CLYBL: variants seen among roughly 807,000 people sequenced by gnomAD.
The protein encoded by CLYBL is citramalyl-CoA lyase.
A neutral mutation model predicts 38.9 loss-of-function variants in CLYBL; 31 were observed. That is an observed-to-expected ratio of 0.80 (90% confidence interval 0.60 to 1.08). CLYBL has a LOEUF of 1.08. Among genes scored for constraint, CLYBL ranks in the 50% least tolerant of loss-of-function variants. CLYBL has a pLI of 0.00. For missense variants in CLYBL, 434 were observed against 411.6 expected (o/e 1.05, Z -0.47); for synonymous variants, 171 against 158.6 (o/e 1.08, Z -0.59).
At chr13:99,833,020 ATATATATATATTTTTTT>A in intron 2 of CLYBL, among the ~76,000 whole-genome samples, 2 of 35,116 alleles carry the variant, frequency 5.7e-5, no homozygotes, top group African/African-American at 1.1e-4. Flanking sequence ...ATATATATAT[ATATATATATATTTTTTT>A]TTTTTTTTTT....
intron 1 of CLYBL, among the ~76,000 whole-genome samples, chr13:99,722,218 C>A (rs1343517516): frequency 2.0e-5 from 3 of 152,160 alleles, no homozygotes; most frequent in Non-Finnish European, 4.4e-5. Context: ...GTTTCCCCCT[C>A]ATCTTGCACA....
chr13:99,816,846 G>C (rs1022949503), intron 2 of CLYBL, among the ~76,000 whole-genome samples: 3 of 152,312 alleles, frequency 2.0e-5, no homozygotes. Flanking sequence ...CATGGACTAA[G>C]GCTCCCAAGA....
rs61453256 is a variant in CLYBL at position 99,703,617 on chromosome 13, C to T, written c.63-69207C>T. 5.4e-3 allele frequency among the ~76,000 whole-genome samples: 817 copies of T among 152,302 alleles called. 5 individuals carry two copies. Among genetic ancestry groups the T allele is most frequent in the African/African-American group, 0.019 (772 of 41,556 alleles). On this transcript the variant is annotated intron_variant, in intron 1 of 8. Transcript: ENST00000339105. The stretch of plus-strand genomic sequence containing the variant: ...TCTCCTGACCTCGTGATCCGCCCAC[C>T]TTGGCCTCCCATAGCACTGGGATTA...
chr13:99,674,229 G>A (rs941252923), intron 1 of CLYBL, among the ~76,000 whole-genome samples: 2 of 124,922 alleles, frequency 1.6e-5, no homozygotes, highest in East Asian at 2.7e-4. Flanking sequence ...TTGGCTCACC[G>A]CAACCTCCGC....
chr13:99,621,692 A>T (rs2046799542), intron 1 of CLYBL, among the ~76,000 whole-genome samples: 1 of 152,146 alleles, frequency 6.6e-6, no homozygotes, highest in Non-Finnish European at 1.5e-5. Flanking sequence ...GTGACCTGGG[A>T]TGACTTTGAA....
At chr13:99,685,729 A>C (rs542790461) in intron 1 of CLYBL, among the ~76,000 whole-genome samples, 1 of 152,264 alleles carries the variant, frequency 6.6e-6, no homozygotes, top group East Asian at 1.9e-4. Flanking sequence ...TGGGAGGCCA[A>C]GGTGGGTGGA....
At chr13:99,882,804 T>C (rs2052244758) in intron 7 of CLYBL, among the ~76,000 whole-genome samples, 1 of 152,194 alleles carries the variant, frequency 6.6e-6, no homozygotes, top group African/African-American at 2.4e-5. Context: ...ACTGAGGGTA[T>C]AGTTAACTAG....
At chr13:99,900,606 G>A (rs1455419462), downstream of CLYBL, among the ~76,000 whole-genome samples, 2 of 151,908 alleles carry the variant, frequency 1.3e-5, no homozygotes, top group African/African-American at 2.4e-5. Context: ...ACCTGCTAGG[G>A]GACTTGCTCA....
chr13:99,623,044 C>T (rs1260769076), intron 1 of CLYBL, among the ~76,000 whole-genome samples: 2 of 152,158 alleles, frequency 1.3e-5, no homozygotes, highest in East Asian at 1.9e-4. Context: ...GGGCTGTTTC[C>T]ACTTTTTGGT....
intron 2 of CLYBL, among the ~76,000 whole-genome samples, chr13:99,841,369 T>C (rs1461000176): frequency 6.6e-6 from 1 of 150,994 alleles, no homozygotes; most frequent in Admixed American, 6.6e-5. Flanking sequence ...GAAAGACAGA[T>C]TAACAGGAGA....
At chr13:99,792,676 G>A (rs540818766) in intron 2 of CLYBL, among the ~76,000 whole-genome samples, 3 of 151,768 alleles carry the variant, frequency 2.0e-5, no homozygotes, top group African/African-American at 7.3e-5. Context: ...TTGTGGAGGC[G>A]AGAACAACTG....
chr13:99,688,787 C>T (rs943783687), intron 1 of CLYBL, among the ~76,000 whole-genome samples: 7 of 152,224 alleles, frequency 4.6e-5, no homozygotes, highest in South Asian at 2.1e-4. Context: ...AAAGATAGAG[C>T]GTCCAAAAGG....
At chr13:99,872,394 A>G (rs1439342829) in intron 7 of CLYBL, among the ~76,000 whole-genome samples, 3 of 152,164 alleles carry the variant, frequency 2.0e-5, no homozygotes, top group Admixed American at 6.5e-5. Flanking sequence ...TTTAGTGTCC[A>G]TTTTTGTGTC....
At chr13:99,847,678 AC>A (rs1358439089) in intron 2 of CLYBL, among the ~76,000 whole-genome samples, 2 of 152,156 alleles carry the variant, frequency 1.3e-5, no homozygotes, top group Non-Finnish European at 1.5e-5. Flanking sequence ...ACGTACAGAT[AC>A]CCATTCCAAA....
At chr13:99,851,195 C>T (rs1798491971) in intron 2 of CLYBL, among the ~76,000 whole-genome samples, 1 of 151,830 alleles carries the variant, frequency 6.6e-6, no homozygotes, top group South Asian at 2.1e-4. Flanking sequence ...TGGCGAAACC[C>T]TGCCTCTACT....
intron 2 of CLYBL, among the ~76,000 whole-genome samples, chr13:99,801,187 C>T (rs1464620095): frequency 6.6e-6 from 1 of 152,220 alleles, no homozygotes; most frequent in Non-Finnish European, 1.5e-5. Context: ...GTCTCCTGGC[C>T]TCTAAGCATC....
chr13:99,866,171 T>C, intron 5 of CLYBL, 69 bp from the exon 6 acceptor site: 1 of 1,462,756 alleles, frequency 6.8e-7, no homozygotes, highest in Admixed American at 1.9e-5. Context: ...AACTGAGGTT[T>C]TATAATAAAT....
chr13:99,628,954 T>TTGA (rs1471917962), intron 1 of CLYBL, among the ~76,000 whole-genome samples: 1 of 152,194 alleles, frequency 6.6e-6, no homozygotes, highest in African/African-American at 2.4e-5. Context: ...TGAAAAAAAA[T>TTGA]TGACTATGGT....
At chr13:99,689,528 G>A (rs1377656912) in intron 1 of CLYBL, among the ~76,000 whole-genome samples, 2 of 152,232 alleles carry the variant, frequency 1.3e-5, no homozygotes, top group Non-Finnish European at 2.9e-5. Flanking sequence ...ATGATTCTCA[G>A]CAATGAAGGA....
Sources: gnomAD v4.1 joint callset for allele counts (sites outside exome capture counted in the v4.1 genomes callset) on GRCh38, gnomAD v4.1.1 for gene constraint, MANE v1.5 for transcripts, NCBI Gene and HGNC (gene_info 2026-07-23, HGNC 2026-07-21) for gene names.